Variants in RXRG observed in about 807,000 individuals in gnomAD.
RXRG encodes the protein retinoic acid receptor RXR-gamma.
RXRG carries 19 observed loss-of-function variants against 49.2 expected under a neutral mutation model. The observed-to-expected ratio is 0.39, with a 90% CI of 0.27 to 0.57. The LOEUF (loss-of-function observed/expected upper bound fraction) is 0.57, where lower values mean the gene tolerates loss of function less well. Ranked by LOEUF, RXRG falls within the 20% of genes least tolerant of loss-of-function variation. The probability of loss-of-function intolerance (pLI) is 0.64; values close to 1 mark genes in which losing one functional copy is unlikely to be tolerated. For synonymous variants in RXRG, 224 were observed against 216.6 expected (o/e 1.03, Z -0.30); for missense variants, 452 against 592.5 (o/e 0.76, Z 2.46).
chr1:165,429,182 A>G (rs1658593670), intron 1 of RXRG, among the ~76,000 whole-genome samples: 1 of 152,158 alleles, frequency 6.6e-6, no homozygotes, highest in Admixed American at 6.5e-5. Flanking sequence ...TAGGACAGAA[A>G]TAAGCATGGA....
intron 1 of RXRG, among the ~76,000 whole-genome samples, chr1:165,430,186 C>A (rs933472980): frequency 2.6e-5 from 4 of 152,160 alleles, no homozygotes; most frequent in Non-Finnish European, 5.9e-5. Context: ...TTCTCAGATG[C>A]CTACTGTGGG....
intron 9 of RXRG, among the ~76,000 whole-genome samples, chr1:165,404,190 C>T (rs1167343479): frequency 1.3e-5 from 2 of 152,210 alleles, no homozygotes; most frequent in Non-Finnish European, 2.9e-5. Context: ...ACATGCCTGG[C>T]CAGTGACACC....
intron 1 of RXRG, among the ~76,000 whole-genome samples, chr1:165,434,799 G>A (rs1658778096): frequency 6.6e-6 from 1 of 152,296 alleles, no homozygotes; most frequent in East Asian, 1.9e-4. Flanking sequence ...TCAGACACCT[G>A]GCTTGTTTTT....
intron 1 of RXRG, chr1:165,436,834 A>G: frequency 1.2e-6 from 1 of 832,820 alleles, no homozygotes; most frequent in Non-Finnish European, 1.5e-6. Context: ...CCAGATGGGG[A>G]CAGAAGTGGG....
Position 165,428,831 on chromosome 1 carries a change from G to C in RXRG, c.185C>G (p.Pro62Arg), listed in dbSNP as rs781134922. Residue 62 changes from proline to arginine, a missense_variant, in exon 2 of 10, where the codon CCC becomes CGC. Transcript: ENST00000359842. ...ATATGGAGAGCCCAGGGCATTGAGG[G>C]GGGTCCCCACTGCACTCAGAGTCCG... ...APRTLSAVGT[P>R]LNALGSPYRV... The C allele has an allele frequency of 8.7e-6, 14 of 1,614,066 alleles. No individual in the cohort carries two copies. In the African/African-American group the frequency reaches 1.6e-4, roughly 18 times the overall value.
intron 2 of RXRG, among the ~76,000 whole-genome samples, chr1:165,425,791 C>T (rs188737439): frequency 2.8e-4 from 43 of 152,340 alleles, no homozygotes; most frequent in Non-Finnish European, 4.8e-4. Context: ...TCTGCTCCTG[C>T]GTCTATGACA....
At chr1:165,435,487 C>T (rs1292841444) in intron 1 of RXRG, among the ~76,000 whole-genome samples, 2 of 152,152 alleles carry the variant, frequency 1.3e-5, no homozygotes, top group Non-Finnish European at 2.9e-5. Context: ...GTGCCGGGGC[C>T]GCTGTGCTGA....
chr1:165,422,975 C>T (rs1333434257), intron 2 of RXRG, among the ~76,000 whole-genome samples: 3 of 152,234 alleles, frequency 2.0e-5, no homozygotes, highest in Admixed American at 2.0e-4. Flanking sequence ...CCTTCCTCAC[C>T]TCCTTGGCCA....
At chr1:165,410,902 G>C in intron 5 of RXRG, 47 bp downstream of exon 5, 1 of 1,613,150 alleles carries the variant, frequency 6.2e-7, no homozygotes, top group Non-Finnish European at 8.5e-7. Flanking sequence ...CCCATTTCCA[G>C]CCCTACCCAA....
Position 165,406,868 on chromosome 1 carries a change from C to T in RXRG, c.1188G>A (p.Lys396=). 2 of 1,613,906 alleles carry T rather than the reference C, an allele frequency of 1.2e-6. No homozygotes were observed. Among genetic ancestry groups the T allele is most frequent in the Non-Finnish European group, 8.5e-7 (1 of 1,179,968 alleles). ...NPSEVETLRE[K]VYATLEAYTK... ...TGTAGGCCTCAAGGGTGGCATAAAC[C>T]TTCTCTCGCAGAGTCTCCACCTCAG... is the stretch of plus-strand genomic sequence containing the variant. Residue 396 remains lysine, a synonymous_variant, in exon 9 of 10, where the codon AAG becomes AAA. Coordinates refer to ENST00000359842, the MANE Select transcript of RXRG (RefSeq NM_006917.5).
chr1:165,401,556 T>G, intron 9 of RXRG, 146 bp from the exon 10 acceptor site: 4 of 860,916 alleles, frequency 4.6e-6, no homozygotes, highest in Non-Finnish European at 3.6e-6. Flanking sequence ...ACAGAATCTC[T>G]AAGCCTAAAG....
chr1:165,438,161 G>C (rs1423907180), intron 1 of RXRG, among the ~76,000 whole-genome samples: 2 of 152,094 alleles, frequency 1.3e-5, no homozygotes, highest in African/African-American at 2.4e-5. Flanking sequence ...CTGGCTCAGC[G>C]ATCCTCAGAA....
At chr1:165,422,914 G>T (rs1658368280) in intron 2 of RXRG, among the ~76,000 whole-genome samples, 1 of 152,184 alleles carries the variant, frequency 6.6e-6, no homozygotes, top group African/African-American at 2.4e-5. Context: ...TCACCACATT[G>T]TCTGCCTTGG....
At position 165,427,078 on chromosome 1, in the gene RXRG, CT is replaced by C. The variant is rs577389965; in HGVS notation, c.297+1640del. On this transcript the variant is annotated intron_variant, in intron 2 of 9. Transcript: ENST00000359842. ...GGGCAAACTCCTTTACTCAGTCTAC[CT>C]ATTTAAATGTTCATCTCATCCAAAA... 8.5e-4 allele frequency among the ~76,000 whole-genome samples: 129 copies of C among 152,284 alleles called. 1 individual carries two copies. Among genetic ancestry groups the C allele is most frequent in the African/African-American group, 3.1e-3 (127 of 41,552 alleles).
intron 9 of RXRG, among the ~76,000 whole-genome samples, chr1:165,405,113 G>GA (rs1657704996): frequency 6.6e-6 from 1 of 152,046 alleles, no homozygotes. Context: ...TTATAGTTAG[G>GA]AAAAAAGTGA....
At chr1:165,408,192 AAC>A in intron 8 of RXRG, 33 bp downstream of exon 8, 1 of 1,508,426 alleles carries the variant, frequency 6.6e-7, no homozygotes, top group South Asian at 1.1e-5. Context: ...AAGAGGGCTG[AAC>A]ACACACATCC....
In RXRG at chr1:165,419,954, C is replaced by T. The variant is rs149137439; in HGVS notation, c.358G>A (p.Gly120Arg). The T allele has an allele frequency of 5.4e-5, 87 of 1,613,164 alleles. No individual in the cohort carries two copies. Among genetic ancestry groups the T allele is most frequent in the African/African-American group, 2.5e-4 (19 of 74,880 alleles). Residue 120 changes from glycine (G) to arginine (R), a missense_variant, in exon 3 of 10, where the codon GGG (glycine) becomes AGG (arginine). This residue lies in a region of RXRG where 166 missense variants were observed against 151.7 expected (regional missense o/e 1.09). Transcript: ENST00000359842. ...GATGGGTAGTTCATGTTTCCAATCCCGGGAAGCCCTGGTAAGGGCTTGATG... is the reference window on the plus strand; with the variant it reads ...GATGGGTAGTTCATGTTTCCAATCCTGGGAAGCCCTGGTAAGGGCTTGATG... ...EDIKPLPGLP[G>R]IGNMNYPSTS...
chr1:165,414,195 C>G (rs1331838919), intron 4 of RXRG, among the ~76,000 whole-genome samples: 2 of 152,192 alleles, frequency 1.3e-5, no homozygotes, highest in African/African-American at 2.4e-5. Flanking sequence ...AGAAAGTTCC[C>G]TAAGAGCTCC....
chr1:165,421,579 G>C (rs1571277438), intron 2 of RXRG, among the ~76,000 whole-genome samples: 1 of 149,736 alleles, frequency 6.7e-6, no homozygotes, highest in Non-Finnish European at 1.5e-5. Context: ...GCCCAGGCTG[G>C]AGTGCAGTGG....
Sources: allele counts gnomAD v4.1 joint callset (sites outside exome capture counted in the v4.1 genomes callset), GRCh38; gene constraint gnomAD v4.1.1; regional missense constraint gnomAD v4.1.1; transcripts MANE v1.5; gene names NCBI Gene and HGNC (gene_info 2026-07-23, HGNC 2026-07-21).